The following SEPTIN11 variants were observed in gnomAD, a reference collection of about 807,000 sequenced individuals.
SEPTIN11 encodes septin 11, also known as septin-11.
In SEPTIN11, 25 loss-of-function variants were observed where a neutral mutation model predicts 51.4. The ratio of observed to expected loss-of-function variants is 0.49; its 90% CI spans 0.35 to 0.68. The LOEUF (loss-of-function observed/expected upper bound fraction) is 0.68, where lower values mean the gene tolerates loss of function less well. Ranked by LOEUF, SEPTIN11 falls within the 30% of genes least tolerant of loss-of-function variation. The pLI, the probability that SEPTIN11 is intolerant of heterozygous loss-of-function variation, is 0.00. For missense variants in SEPTIN11, 381 were observed against 520.8 expected, an observed-to-expected ratio of 0.73 and a Z score of 2.61; for synonymous variants, 174 against 184.1, an observed-to-expected ratio of 0.95 and a Z score of 0.44.
intron 3 of SEPTIN11, among the ~76,000 whole-genome samples, chr4:77,010,310 A>C (rs1030929696): frequency 1.3e-5 from 2 of 152,094 alleles, no homozygotes; most frequent in Non-Finnish European, 2.9e-5. Flanking sequence ...CTCTATAACT[A>C]TCTCATTAAA....
At chr4:76,990,128 T>G (rs746984235) in intron 1 of SEPTIN11, among the ~76,000 whole-genome samples, 1 of 152,168 alleles carries the variant, frequency 6.6e-6, no homozygotes, top group East Asian at 1.9e-4. Flanking sequence ...CTGTTTCTGT[T>G]GTATCAGAGT....
At chr4:77,019,333 C>T (rs1725527390) in intron 6 of SEPTIN11, 72 bp downstream of exon 6, 3 of 1,350,554 alleles carry the variant, frequency 2.2e-6, no homozygotes, top group East Asian at 5.2e-5. Flanking sequence ...TGTTCATTTT[C>T]CGTCTTGTTT....
chr4:76,998,869 A>G (rs936671515), intron 2 of SEPTIN11, among the ~76,000 whole-genome samples: 1 of 152,092 alleles, frequency 6.6e-6, no homozygotes, highest in African/African-American at 2.4e-5. Context: ...ATTGGCCAGG[A>G]CTTAGTTACA....
intron 1 of SEPTIN11, 31 bp from the exon 2 acceptor site, chr4:76,996,393 GA>G (rs1312401767): frequency 1.4e-6 from 2 of 1,451,062 alleles, no homozygotes; most frequent in Admixed American, 3.3e-5. Flanking sequence ...ATGGTTCATG[GA>G]CACTCAAATC....
intron 2 of SEPTIN11, among the ~76,000 whole-genome samples, chr4:76,997,945 T>C (rs1723843837): frequency 6.6e-6 from 1 of 152,172 alleles, no homozygotes; most frequent in African/African-American, 2.4e-5. Context: ...AGTTCTGTCC[T>C]GGCTCCTGCA....
intron 1 of SEPTIN11, among the ~76,000 whole-genome samples, chr4:76,988,363 A>G (rs547709217): frequency 1.1e-4 from 16 of 152,318 alleles, no homozygotes; most frequent in Admixed American, 2.6e-4. Context: ...TCATCATGGT[A>G]TCCTTAGCAT....
rs1578221150 is a variant in SEPTIN11 at position 77,038,145 on chromosome 4, T to G, written c.*3633T>G. Reference sequence around the variant, plus strand: ...CAGCTTCGAAAAGTCCTGGTTCCACTGACAGGACACATTCTTTAGTGGGAA... The same window carrying G: ...CAGCTTCGAAAAGTCCTGGTTCCACGGACAGGACACATTCTTTAGTGGGAA... On this transcript the variant is annotated 3_prime_UTR_variant, in exon 10 of 10. Transcript: ENST00000264893. The G allele has an allele frequency of 3.0e-6, 3 of 985,916 alleles. No individual in the cohort carries two copies. Among genetic ancestry groups the G allele is most frequent in the African/African-American group, 1.7e-5 (1 of 57,380 alleles). The allele number at this position is 985,916 out of a possible 1,614,324, so 61.1% of individuals were successfully genotyped here. A position where few individuals can be genotyped will look rare whatever the true frequency, so the allele number is the denominator to read the frequency against.
chr4:76,978,856 T>C (rs1445261805), intron 1 of SEPTIN11, among the ~76,000 whole-genome samples: 2 of 152,144 alleles, frequency 1.3e-5, no homozygotes, highest in African/African-American at 2.4e-5. Flanking sequence ...TTGGGAAGGG[T>C]TCATACTGAA....
chr4:77,034,680 A>G lies in SEPTIN11; in HGVS notation c.*168A>G, dbSNP rs1274220673. The stretch of plus-strand genomic sequence containing the variant: ...TTTGCTGAATGTTGTTGGGTGGTAG[A>G]AAATGATAGAACAAGGGAATAACCG... On this transcript the variant is annotated 3_prime_UTR_variant, in exon 10 of 10. Transcript: ENST00000264893. 7.5e-7 allele frequency: 1 copy of G among 1,326,034 alleles called. No homozygotes were observed. The highest frequency in any genetic ancestry group is 9.6e-7 in the Non-Finnish European group (1 of 1,036,746). The allele number at this position is 1,326,034 out of a possible 1,614,324, so 82.1% of individuals were successfully genotyped here.
At chr4:77,020,701 C>T (rs1386215105) in intron 7 of SEPTIN11, 31 bp downstream of exon 7, 1 of 1,599,032 alleles carries the variant, frequency 6.3e-7, no homozygotes, top group Admixed American at 1.7e-5. Flanking sequence ...CAGGTGTCTC[C>T]CAGACAGTGG....
In SEPTIN11 at chr4:77,035,734, T is replaced by C. The variant is rs577140921; in HGVS notation, c.*1222T>C. 30 of 985,912 alleles carry C rather than the reference T, an allele frequency of 3.0e-5. No homozygotes were observed. Among genetic ancestry groups the C allele is most frequent in the African/African-American group, 1.4e-4 (8 of 57,374 alleles). The allele number at this position is 985,912 out of a possible 1,614,324, so 61.1% of individuals were successfully genotyped here. On this transcript the variant is annotated 3_prime_UTR_variant, in exon 10 of 10. Transcript: ENST00000264893. Reference sequence around the variant, plus strand: ...TCCACCTGCTCTTTGTCTAAGGCCCTTGCCTCATCAGGGATTAGAACTGGC... The same window carrying C: ...TCCACCTGCTCTTTGTCTAAGGCCCCTGCCTCATCAGGGATTAGAACTGGC...
At chr4:76,969,260 CTTG>C (rs758470945) in intron 1 of SEPTIN11, among the ~76,000 whole-genome samples, 4 of 152,104 alleles carry the variant, frequency 2.6e-5, no homozygotes, top group African/African-American at 9.7e-5. Context: ...AACACATTGT[CTTG>C]TTGTAATCGT....
At chr4:76,950,923 A>T (rs1363867340) in intron 1 of SEPTIN11, among the ~76,000 whole-genome samples, 1 of 152,088 alleles carries the variant, frequency 6.6e-6, no homozygotes, top group Non-Finnish European at 1.5e-5. Context: ...TTCATCGTCG[A>T]TGTTCACAGT....
At chr4:76,991,413 G>A (rs1723367930) in intron 1 of SEPTIN11, among the ~76,000 whole-genome samples, 1 of 152,228 alleles carries the variant, frequency 6.6e-6, no homozygotes, top group South Asian at 2.1e-4. Flanking sequence ...ATTTGGAATT[G>A]TGGAACATAT....
At chr4:77,011,281 C>T (rs967232652) in intron 3 of SEPTIN11, among the ~76,000 whole-genome samples, 2 of 152,288 alleles carry the variant, frequency 1.3e-5, no homozygotes, top group African/African-American at 2.4e-5. Flanking sequence ...GAGGCTATCA[C>T]AGTCACTTTT....
rs1245039671 is a variant in SEPTIN11 at position 77,024,570 on chromosome 4, C to T, written c.953+3900C>T. Among the ~76,000 whole-genome samples, 1 of 152,174 alleles carries T rather than the reference C, an allele frequency of 6.6e-6. No homozygotes were observed. Reference sequence around the variant, plus strand: ...CCTAACAGTACCTGCCCAAGCTGCTCCCATCTCACCTCAGAACACCACCGT... The same window carrying T: ...CCTAACAGTACCTGCCCAAGCTGCTTCCATCTCACCTCAGAACACCACCGT... On this transcript the variant is annotated intron_variant, in intron 7 of 9. Coordinates refer to ENST00000264893, the MANE Select transcript of SEPTIN11 (RefSeq NM_018243.4). This position sits in a 1 kb window ranked among gnomAD's most constrained non-coding sequence, Gnocchi z 4.2.
intron 1 of SEPTIN11, among the ~76,000 whole-genome samples, chr4:76,961,951 T>C (rs1236954198): frequency 1.3e-5 from 2 of 152,248 alleles, no homozygotes; most frequent in African/African-American, 2.4e-5. Context: ...TTTAATGTTT[T>C]GTGAATCTAT....
intron 1 of SEPTIN11, among the ~76,000 whole-genome samples, chr4:76,970,030 C>A (rs1487289740): frequency 1.3e-5 from 2 of 152,208 alleles, no homozygotes; most frequent in Admixed American, 6.5e-5. Flanking sequence ...CAGCTCAACT[C>A]CCAGCATGAC....
At chr4:76,959,106 G>A (rs1721695474) in intron 1 of SEPTIN11, 2 of 650,072 alleles carry the variant, frequency 3.1e-6, no homozygotes, top group Admixed American at 1.9e-5. Context: ...TCAACTACAA[G>A]TTTATTGCCT....
Sources: gnomAD v4.1 joint callset for allele counts (sites outside exome capture counted in the v4.1 genomes callset) on GRCh38, gnomAD v4.1.1 for gene constraint, Gnocchi (gnomAD v3.1) non-coding constraint, MANE v1.5 for transcripts, NCBI Gene and HGNC (gene_info 2026-07-23, HGNC 2026-07-21) for gene names.